Variants in SLC24A3 observed in about 807,000 individuals in gnomAD.
SLC24A3 encodes the protein solute carrier family 24 member 3.
In SLC24A3, 28 loss-of-function variants were observed where a neutral mutation model predicts 75.8. The ratio of observed to expected loss-of-function variants is 0.37; its 90% CI spans 0.27 to 0.51. The LOEUF (loss-of-function observed/expected upper bound fraction) is 0.51, where lower values mean the gene tolerates loss of function less well. Ranked by LOEUF, SLC24A3 falls within the 20% of genes least tolerant of loss-of-function variation. SLC24A3 has a pLI of 0.94. For synonymous variants in SLC24A3, 372 were observed against 334.1 expected (o/e 1.11, Z -1.24); for missense variants, 663 against 847.8 (o/e 0.78, Z 2.71).
chr20:19,480,857 A>AG (rs767182599), intron 2 of SLC24A3, among the ~76,000 whole-genome samples: 18 of 152,220 alleles, frequency 1.2e-4, no homozygotes, highest in Non-Finnish European at 2.5e-4. Flanking sequence ...TCCTCCTGAA[A>AG]GGCTGAAACA....
intron 9 of SLC24A3, among the ~76,000 whole-genome samples, chr20:19,680,801 T>C (rs1008751789): frequency 6.6e-6 from 1 of 152,084 alleles, no homozygotes; most frequent in African/African-American, 2.4e-5. Context: ...ACAAAGGAGA[T>C]AGCTGGGAGG....
intron 6 of SLC24A3, among the ~76,000 whole-genome samples, chr20:19,604,651 C>G (rs1432323121): frequency 6.6e-6 from 1 of 152,198 alleles, no homozygotes; most frequent in African/African-American, 2.4e-5. Flanking sequence ...TGGTTCTAAA[C>G]TAGCTTATTG....
intron 2 of SLC24A3, among the ~76,000 whole-genome samples, chr20:19,511,413 C>G (rs1406486100): frequency 2.6e-5 from 4 of 151,678 alleles, no homozygotes; most frequent in African/African-American, 9.7e-5. Flanking sequence ...CTGCAAGCTC[C>G]GCCTCTCAGG....
chr20:19,296,682 G>C (rs1231738478), intron 2 of SLC24A3, among the ~76,000 whole-genome samples: 1 of 152,070 alleles, frequency 6.6e-6, no homozygotes, highest in Non-Finnish European at 1.5e-5. Flanking sequence ...TCAATATTAG[G>C]CCATTGAGAC....
Position 19,698,525 on chromosome 20 carries a change from C to G in SLC24A3, c.1607-43C>G, listed in dbSNP as rs972767455. ...CTTGGGAGAGTCCTGTGTGGGGCCC[C>G]TGGGTTCCCTTCCCTCTCTTAAGTG... is the stretch of plus-strand genomic sequence containing the variant. On this transcript the variant is annotated intron_variant, in intron 14 of 16. Coordinates refer to ENST00000328041, the MANE Select transcript of SLC24A3 (RefSeq NM_020689.4). 2.0e-6 allele frequency: 3 copies of G among 1,509,060 alleles called. No homozygotes were observed. In the African/African-American group the frequency reaches 4.2e-5, roughly 21 times the overall value. The allele number at this position is 1,509,060 out of a possible 1,614,324, so 93.5% of individuals were successfully genotyped here.
At position 19,679,585 on chromosome 20, in the gene SLC24A3, G is replaced by A. The variant is rs139136882; in HGVS notation, c.768-2273G>A. The stretch of plus-strand genomic sequence containing the variant: ...GGAGAGGGAGACGGAGACGGAGACC[G>A]TGGGGAGAGGGAGAGGGAGAGGGAG... On this transcript the variant is annotated intron_variant, in intron 9 of 16. Coordinates refer to ENST00000328041, the MANE Select transcript of SLC24A3 (RefSeq NM_020689.4). Among the ~76,000 whole-genome samples the A allele has an allele frequency of 4.7e-3, 706 of 150,158 alleles. 3 individuals carry two copies. Among genetic ancestry groups the A allele is most frequent in the Middle Eastern group, 0.02 (6 of 294 alleles).
intron 6 of SLC24A3, among the ~76,000 whole-genome samples, chr20:19,631,925 G>T (rs1224412414): frequency 6.6e-6 from 1 of 152,042 alleles, no homozygotes; most frequent in Non-Finnish European, 1.5e-5. Flanking sequence ...GTGGGACCTT[G>T]GGTAAGTCTT....
rs113467416 is a variant in SLC24A3 at position 19,257,359 on chromosome 20, G to A, written c.143-23600G>A. Among the ~76,000 whole-genome samples, 801 of 152,324 alleles carry A rather than the reference G, an allele frequency of 5.3e-3. 7 individuals are homozygous for A. The highest frequency in any genetic ancestry group is 0.017 in the Middle Eastern group (5 of 294). ...CCTCTCAGACGGTTGACTCCGCTGA[G>A]ACTGGCCCTGCTGGGCATCAGGCCC... On this transcript the variant is annotated intron_variant, in intron 1 of 16. Coordinates refer to ENST00000328041, the MANE Select transcript of SLC24A3 (RefSeq NM_020689.4).
At chr20:19,240,641 G>A (rs1049215474) in intron 1 of SLC24A3, among the ~76,000 whole-genome samples, 2 of 152,152 alleles carry the variant, frequency 1.3e-5, no homozygotes, top group Non-Finnish European at 2.9e-5. Context: ...CTGATTTGTG[G>A]GCAGGTGAGT....
intron 6 of SLC24A3, among the ~76,000 whole-genome samples, chr20:19,651,787 TGAGGCA>T (rs1008848630): frequency 6.1e-5 from 9 of 146,466 alleles, no homozygotes; most frequent in Non-Finnish European, 1.3e-4. Context: ...TGTGAACCTG[TGAGGCA>T]GAGCTTGCAG....
intron 8 of SLC24A3, among the ~76,000 whole-genome samples, chr20:19,671,648 T>C (rs2032468808): frequency 9.8e-6 from 1 of 101,868 alleles, no homozygotes; most frequent in Non-Finnish European, 2.2e-5. Context: ...TTTTTTTTTG[T>C]TTTTTTGTTT....
intron 6 of SLC24A3, among the ~76,000 whole-genome samples, chr20:19,603,472 A>G (rs553335788): frequency 2.6e-5 from 4 of 152,220 alleles, no homozygotes; most frequent in Admixed American, 2.6e-4. Flanking sequence ...ATCAAGTGGG[A>G]CAATCAGAGA....
intron 2 of SLC24A3, among the ~76,000 whole-genome samples, chr20:19,384,145 T>C (rs930031894): frequency 6.6e-6 from 1 of 152,246 alleles, no homozygotes; most frequent in African/African-American, 2.4e-5. Context: ...TAATTTAAGA[T>C]ATTCACTGCC....
chr20:19,568,871 T>C (rs944164154), intron 3 of SLC24A3, among the ~76,000 whole-genome samples: 8 of 152,216 alleles, frequency 5.3e-5, no homozygotes, highest in African/African-American at 1.9e-4. Flanking sequence ...TGTGTATATA[T>C]GAACAGTGAC....
chr20:19,683,076 T>C (rs1337231098), intron 10 of SLC24A3, among the ~76,000 whole-genome samples: 1 of 152,222 alleles, frequency 6.6e-6, no homozygotes, highest in Admixed American at 6.5e-5. Context: ...CAAATACATC[T>C]ATGGGTTATT....
chr20:19,683,482 C>T (rs2032637599), intron 10 of SLC24A3, among the ~76,000 whole-genome samples: 1 of 152,206 alleles, frequency 6.6e-6, no homozygotes, highest in Non-Finnish European at 1.5e-5. Flanking sequence ...GTCCCAAGCA[C>T]TCTTCTGACC....
At chr20:19,380,098 C>T (rs1986155682) in intron 2 of SLC24A3, among the ~76,000 whole-genome samples, 1 of 152,110 alleles carries the variant, frequency 6.6e-6, no homozygotes, top group Admixed American at 6.5e-5. Context: ...CAAATTTATG[C>T]TTGCAAGTTT....
chr20:19,337,995 G>T (rs1985176152), intron 2 of SLC24A3, among the ~76,000 whole-genome samples: 1 of 152,076 alleles, frequency 6.6e-6, no homozygotes, highest in Admixed American at 6.6e-5. Context: ...CATCTTCAGG[G>T]GATAGAGGCA....
intron 1 of SLC24A3, chr20:19,242,390 C>G (rs533195590): frequency 6.6e-6 from 1 of 152,272 alleles, no homozygotes; most frequent in South Asian, 2.1e-4. Flanking sequence ...TTTGAGATGT[C>G]CCATATAGAT....
Sources: allele counts gnomAD v4.1 joint callset (sites outside exome capture counted in the v4.1 genomes callset), GRCh38; gene constraint gnomAD v4.1.1; transcripts MANE v1.5; gene names NCBI Gene and HGNC (gene_info 2026-07-23, HGNC 2026-07-21).